Variants in SLC4A10 observed in about 807,000 individuals in gnomAD.
The protein encoded by SLC4A10 is sodium-driven chloride bicarbonate exchanger.
A neutral mutation model predicts 137.7 loss-of-function variants in SLC4A10; 42 were observed. The observed-to-expected ratio is 0.30, with a 90% CI of 0.24 to 0.39. The LOEUF is 0.39. Among genes scored for constraint, SLC4A10 ranks in the 10% least tolerant of loss-of-function variants. The pLI, the probability that SLC4A10 is intolerant of heterozygous loss-of-function variation, is 1.00. For synonymous variants in SLC4A10, 474 were observed against 464.1 expected (o/e 1.02, Z -0.27); for missense variants, 925 against 1,355.0 (o/e 0.68, Z 4.98).
intron 4 of SLC4A10, among the ~76,000 whole-genome samples, chr2:161,843,808 AC>A (rs1400160566): frequency 6.6e-6 from 1 of 152,148 alleles, no homozygotes; most frequent in Admixed American, 6.6e-5. Flanking sequence ...CACAGCAGAA[AC>A]AAAAAGATAT....
At chr2:161,777,711 C>G (rs1313166040) in intron 2 of SLC4A10, among the ~76,000 whole-genome samples, 1 of 151,892 alleles carries the variant, frequency 6.6e-6, no homozygotes, top group African/African-American at 2.4e-5. Context: ...ACGAGAACAG[C>G]ACGGGAAAGA....
At chr2:161,650,498 GAC>G (rs1230824563) in intron 1 of SLC4A10, among the ~76,000 whole-genome samples, 1 of 152,108 alleles carries the variant, frequency 6.6e-6, no homozygotes, top group East Asian at 1.9e-4. Context: ...GAGTTTACTG[GAC>G]AGGGGAGCCC....
intron 15 of SLC4A10, among the ~76,000 whole-genome samples, chr2:161,928,783 A>G (rs1689749684): frequency 6.6e-6 from 1 of 151,942 alleles, no homozygotes; most frequent in Non-Finnish European, 1.5e-5. Context: ...CAATTAAACT[A>G]TTAAACTAGA....
chr2:161,802,696 A>G (rs1213131461), intron 2 of SLC4A10, among the ~76,000 whole-genome samples: 3 of 152,264 alleles, frequency 2.0e-5, no homozygotes, highest in South Asian at 2.1e-4. Flanking sequence ...GGGACACCTA[A>G]GATCAAGATG....
At chr2:161,626,168 CT>C (rs1330361168) in intron 1 of SLC4A10, among the ~76,000 whole-genome samples, 1 of 151,948 alleles carries the variant, frequency 6.6e-6, no homozygotes, top group African/African-American at 2.4e-5. Context: ...ACCCCCAACC[CT>C]TTTTTTGGCT....
intron 1 of SLC4A10, among the ~76,000 whole-genome samples, chr2:161,748,148 C>T (rs1227997407): frequency 6.6e-6 from 1 of 151,818 alleles, no homozygotes; most frequent in Non-Finnish European, 1.5e-5. Context: ...TGTGTAAGTT[C>T]CTTATATATT....
intron 15 of SLC4A10, among the ~76,000 whole-genome samples, chr2:161,939,133 G>A (rs1156436827): frequency 1.3e-5 from 2 of 152,086 alleles, no homozygotes; most frequent in African/African-American, 4.8e-5. Context: ...AGAGTGTGCA[G>A]TGATGCAATC....
chr2:161,830,526 T>G (rs916066829), intron 3 of SLC4A10, among the ~76,000 whole-genome samples: 5 of 151,790 alleles, frequency 3.3e-5, no homozygotes, highest in Non-Finnish European at 5.9e-5. Context: ...GACTGGAAAC[T>G]TTGAGCAAGT....
chr2:161,879,371 G>C lies in SLC4A10; in HGVS notation c.1106+83G>C, dbSNP rs1282656739. ...AAATGAGGATTCAATGTAATTTTCT[G>C]TTAGAGTTTTGACTAGAAACTAATG... On this transcript the variant is annotated intron_variant, in intron 9 of 26. Coordinates refer to ENST00000446997, the MANE Select transcript of SLC4A10 (RefSeq NM_001178015.2). The C allele has an allele frequency of 4.3e-6, 6 of 1,387,448 alleles. No homozygotes were observed. In the Admixed American group the frequency reaches 1.2e-4, roughly 27 times the overall value. 85.9% of individuals were successfully genotyped at this position (1,387,448 alleles called of 1,614,324 possible).
At chr2:161,735,424 A>G (rs2047243480) in intron 1 of SLC4A10, among the ~76,000 whole-genome samples, 1 of 152,132 alleles carries the variant, frequency 6.6e-6, no homozygotes, top group Admixed American at 6.6e-5. Flanking sequence ...TTTACTTATA[A>G]ATGACTCAGA....
At chr2:161,766,833 A>G (rs892569929) in intron 1 of SLC4A10, among the ~76,000 whole-genome samples, 4 of 151,472 alleles carry the variant, frequency 2.6e-5, no homozygotes, top group South Asian at 4.2e-4. Context: ...TTTCATTTTT[A>G]AAAATTTTTT....
intron 1 of SLC4A10, among the ~76,000 whole-genome samples, chr2:161,695,257 G>A (rs1352229350): frequency 6.6e-6 from 1 of 151,858 alleles, no homozygotes; most frequent in African/African-American, 2.4e-5. Context: ...CTGATTTTTA[G>A]CACACCTATA....
At chr2:161,764,042 G>A (rs931777737) in intron 1 of SLC4A10, among the ~76,000 whole-genome samples, 12 of 152,080 alleles carry the variant, frequency 7.9e-5, no homozygotes, top group Admixed American at 3.3e-4. Context: ...AAAATATAAA[G>A]TGATATATGT....
At chr2:161,656,909 T>C (rs1050517660) in intron 1 of SLC4A10, among the ~76,000 whole-genome samples, 1 of 152,130 alleles carries the variant, frequency 6.6e-6, no homozygotes, top group African/African-American at 2.4e-5. Context: ...GAGAATATTA[T>C]AAGCTTAAAA....
intron 1 of SLC4A10, among the ~76,000 whole-genome samples, chr2:161,662,945 A>G (rs1387612737): frequency 1.3e-5 from 2 of 152,230 alleles, no homozygotes; most frequent in Non-Finnish European, 2.9e-5. Flanking sequence ...TTTAACTTCC[A>G]GTTGAGAGGA....
intron 19 of SLC4A10, among the ~76,000 whole-genome samples, chr2:161,955,642 C>T (rs1485937907): frequency 6.6e-6 from 1 of 152,138 alleles, no homozygotes; most frequent in Non-Finnish European, 1.5e-5. Flanking sequence ...GAAAGTACAA[C>T]TGACTTTAAG....
intron 19 of SLC4A10, 89 bp downstream of exon 19, chr2:161,950,937 G>A (rs1399343078): frequency 9.5e-7 from 1 of 1,052,172 alleles, no homozygotes; most frequent in Non-Finnish European, 1.3e-6. Context: ...GTATTCATTT[G>A]CACAGTGAAA....
chr2:161,743,044 T>C (rs544617763), intron 1 of SLC4A10, among the ~76,000 whole-genome samples: 1 of 152,308 alleles, frequency 6.6e-6, no homozygotes, highest in South Asian at 2.1e-4. Flanking sequence ...AGTTTGCAAA[T>C]ATTTTCTCCC....
chr2:161,960,123 T>C (rs1266260902), intron 21 of SLC4A10, among the ~76,000 whole-genome samples: 2 of 151,322 alleles, frequency 1.3e-5, no homozygotes, highest in East Asian at 3.9e-4. Context: ...CCCAGCACTT[T>C]GGGAAGCCGA....
Sources: allele counts gnomAD v4.1 joint callset (sites outside exome capture counted in the v4.1 genomes callset), GRCh38; gene constraint gnomAD v4.1.1; transcripts MANE v1.5; gene names NCBI Gene and HGNC (gene_info 2026-07-23, HGNC 2026-07-21).